Variants in WDR45B observed in about 807,000 individuals in gnomAD.
The protein encoded by WDR45B is WD repeat domain 45B, also known as WD repeat domain phosphoinositide-interacting protein 3.
A neutral mutation model predicts 44.6 loss-of-function variants in WDR45B; 20 were observed. That is an observed-to-expected ratio of 0.45 (90% CI 0.32 to 0.65). WDR45B has a LOEUF of 0.65. WDR45B is among the 30% of genes least tolerant of loss of function. The probability of loss-of-function intolerance (pLI) is 0.05; values close to 1 mark genes in which losing one functional copy is unlikely to be tolerated. For synonymous variants in WDR45B, 169 were observed against 164.9 expected (o/e 1.02, Z -0.19); for missense variants, 323 against 430.2 (o/e 0.75, Z 2.20).
chr17:82,637,809 C>T (rs1481855933), intron 2 of WDR45B, among the ~76,000 whole-genome samples: 1 of 151,912 alleles, frequency 6.6e-6, no homozygotes, highest in African/African-American at 2.4e-5. Flanking sequence ...TTTATGGAAG[C>T]TTCATGATAT....
chr17:82,631,306 A>ATTTT, intron 2 of WDR45B, among the ~76,000 whole-genome samples: 1 of 128,916 alleles, frequency 7.8e-6, no homozygotes, highest in East Asian at 2.3e-4. Context: ...TTTTTTGAGA[A>ATTTT]GGAGTCTTGC....
chr17:82,615,963 C>G lies in WDR45B; in HGVS notation c.991G>C (p.Asp331His). Residue 331 changes from aspartate to histidine, a missense_variant, in exon 10 of 10, where the codon GAT (aspartate) becomes CAT (histidine). Physicochemically the swap from Asp to His is moderately conservative, Grantham distance 81. Coordinates refer to ENST00000392325, the MANE Select transcript of WDR45B (RefSeq NM_019613.4). ...ATCTCTAGAAACTGCGCGTAGACAT[C>G]TCGGATGCACTCCCCCTTGGGGTTG... is the stretch of plus-strand genomic sequence containing the variant. The part of the protein sequence containing the change: ...LFNPKGECIR[D>H]VYAQFLEMTD... 1.2e-6 allele frequency: 2 copies of G among 1,613,870 alleles called. No individual in the cohort carries two copies. The highest frequency in any genetic ancestry group is 4.5e-5 in the East Asian group (2 of 44,864).
chr17:82,640,771 T>C (rs1481584551), intron 2 of WDR45B, among the ~76,000 whole-genome samples: 1 of 152,164 alleles, frequency 6.6e-6, no homozygotes. Context: ...AGGGCCTATC[T>C]ACTCACATAA....
intron 2 of WDR45B, among the ~76,000 whole-genome samples, chr17:82,635,572 C>T (rs2045822382): frequency 6.6e-6 from 1 of 151,350 alleles, no homozygotes; most frequent in Admixed American, 6.6e-5. Context: ...ATTACAGGCG[C>T]CCATCACACC....
intron 7 of WDR45B, among the ~76,000 whole-genome samples, chr17:82,618,095 A>G (rs2143246283): frequency 6.6e-6 from 1 of 152,110 alleles, no homozygotes; most frequent in East Asian, 1.9e-4. Flanking sequence ...ACGCCCAGCT[A>G]ATTTTTGTAT....
intron 1 of WDR45B, among the ~76,000 whole-genome samples, chr17:82,646,055 A>C (rs1255023725): frequency 6.6e-6 from 1 of 151,646 alleles, no homozygotes; most frequent in Admixed American, 6.6e-5. Context: ...CAGGAGGCAG[A>C]GGTTGCAGTG....
intron 2 of WDR45B, among the ~76,000 whole-genome samples, chr17:82,638,954 C>G (rs941267692): frequency 6.6e-6 from 1 of 152,052 alleles, no homozygotes; most frequent in Admixed American, 6.5e-5. Context: ...TTCCAAGTAG[C>G]TGGGACTACA....
intron 6 of WDR45B, among the ~76,000 whole-genome samples, chr17:82,619,397 C>A (rs2045583570): frequency 6.6e-6 from 1 of 152,212 alleles, no homozygotes; most frequent in East Asian, 1.9e-4. Flanking sequence ...GGTGGACTGA[C>A]CCTGGATGCC....
Position 82,643,930 on chromosome 17 carries a change from A to G in WDR45B, c.142+19T>C. 6.2e-7 allele frequency: 1 copy of G among 1,612,572 alleles called. No individual in the cohort carries two copies. The highest frequency in any genetic ancestry group is 2.2e-5 in the East Asian group (1 of 44,868). On this transcript the variant is annotated intron_variant, in intron 2 of 9. Transcript: ENST00000392325. ...GGTTGGAAAGGGGAGAAACCAGAAA[A>G]TGTCCCGTTAATTCTTACCTTGTTT...
intron 2 of WDR45B, among the ~76,000 whole-genome samples, chr17:82,640,588 A>C (rs2045901646): frequency 1.3e-5 from 2 of 152,022 alleles, no homozygotes; most frequent in South Asian, 4.2e-4. Flanking sequence ...TGACCTCGTG[A>C]TCTGCCCACC....
chr17:82,616,225 A>G (rs372069082), intron 9 of WDR45B, among the ~76,000 whole-genome samples, 200 bp from the exon 10 acceptor site: 8 of 152,144 alleles, frequency 5.3e-5, no homozygotes, highest in African/African-American at 1.9e-4. Flanking sequence ...GTGAGCATCT[A>G]ATCACCCGGT....
chr17:82,644,100 A>G (rs1363417228), intron 1 of WDR45B, 77 bp from the exon 2 acceptor site: 1 of 1,361,338 alleles, frequency 7.3e-7, no homozygotes, highest in African/African-American at 1.4e-5. Flanking sequence ...AGAAATGACA[A>G]CTACTGAGAA....
At chr17:82,619,162 G>C (rs1176308981) in intron 6 of WDR45B, 34 bp from the exon 7 acceptor site, 1 of 1,602,122 alleles carries the variant, frequency 6.2e-7, no homozygotes, top group South Asian at 1.1e-5. Context: ...CATTATCAAA[G>C]ATTCAAAACT....
rs530316042 is a variant in WDR45B at position 82,633,222 on chromosome 17, G to A, written c.143-2200C>T. Among the ~76,000 whole-genome samples the A allele has an allele frequency of 6.8e-4, 102 of 150,120 alleles. 1 individual carries two copies. Among genetic ancestry groups the A allele is most frequent in the African/African-American group, 2.5e-3 (102 of 40,906 alleles). ...TGCTTTTGGGACATCAAACTTTTGT[G>A]CACCAAAGGACACAATCAACAGAAT... On this transcript the variant is annotated intron_variant, in intron 2 of 9. Coordinates refer to ENST00000392325, the MANE Select transcript of WDR45B (RefSeq NM_019613.4).
intron 1 of WDR45B, among the ~76,000 whole-genome samples, chr17:82,645,150 T>C (rs2045960006): frequency 6.6e-6 from 1 of 151,744 alleles, no homozygotes. Context: ...ACCAAAAAAT[T>C]AGCCAGTCGT....
chr17:82,648,311 G>A lies in WDR45B; in HGVS notation c.30C>T (p.Gly10=). The change falls in exon 1 of 10, where the codon GGC becomes GGT. Residue 10 remains glycine (G), a synonymous_variant. Coordinates refer to ENST00000392325, the MANE Select transcript of WDR45B (RefSeq NM_019613.4). Reference sequence around the variant, plus strand: ...TGAAGCCGGCGTAGAGCAGCCCGTTGCCGTGAGGGTTACACGGCAGGAGGT... The same window carrying A: ...TGAAGCCGGCGTAGAGCAGCCCGTTACCGTGAGGGTTACACGGCAGGAGGT... MNLLPCNPH[G]NGLLYAGFNQ... 6 of 1,607,130 alleles carry A rather than the reference G, an allele frequency of 3.7e-6. No individual in the cohort carries two copies. Among genetic ancestry groups the A allele is most frequent in the South Asian group, 3.3e-5 (3 of 90,414 alleles).
chr17:82,643,882 A>G, intron 2 of WDR45B, 67 bp downstream of exon 2: 1 of 1,417,868 alleles, frequency 7.1e-7, no homozygotes, highest in East Asian at 2.5e-5. Flanking sequence ...CTCCACCTGC[A>G]AGGTTAAATT....
At chr17:82,632,492 GT>G (rs1401254885) in intron 2 of WDR45B, among the ~76,000 whole-genome samples, 1 of 152,046 alleles carries the variant, frequency 6.6e-6, no homozygotes, top group African/African-American at 2.4e-5. Flanking sequence ...CATGAATTAC[GT>G]AAGAGGAAAA....
chr17:82,617,248 A>G, intron 8 of WDR45B, 48 bp downstream of exon 8: 1 of 1,549,616 alleles, frequency 6.5e-7, no homozygotes, highest in Non-Finnish European at 8.9e-7. Context: ...AACACTGGGG[A>G]CTCCTCTCAT....
Sources: allele counts gnomAD v4.1 joint callset (sites outside exome capture counted in the v4.1 genomes callset), GRCh38; gene constraint gnomAD v4.1.1; transcripts MANE v1.5; gene names NCBI Gene and HGNC (gene_info 2026-07-23, HGNC 2026-07-21).